SDK1: variants seen among roughly 807,000 people sequenced by gnomAD.
SDK1 encodes the protein sidekick cell adhesion molecule 1, also known as protein sidekick-1.
Under a neutral mutation model 245.5 loss-of-function variants are expected in SDK1, and 157 were observed. The ratio of observed to expected loss-of-function variants is 0.64; its 90% CI spans 0.56 to 0.73. The LOEUF is 0.73. SDK1 is among the 30% of genes least tolerant of loss of function. The probability of loss-of-function intolerance (pLI) is 0.00; values close to 1 mark genes in which losing one functional copy is unlikely to be tolerated. For synonymous variants in SDK1, 1,647 were observed against 1,278.5 expected (o/e 1.29, Z -6.15); for missense variants, 3,583 against 3,002.3 (o/e 1.19, Z -4.52).
chr7:3,571,065 C>T (rs1330959184), intron 1 of SDK1, among the ~76,000 whole-genome samples: 1 of 151,982 alleles, frequency 6.6e-6, no homozygotes. Context: ...TTCGGATCTT[C>T]ATGTTGAGAT....
intron 1 of SDK1, among the ~76,000 whole-genome samples, chr7:3,439,869 G>C (rs1159421427): frequency 2.0e-5 from 3 of 152,166 alleles, no homozygotes; most frequent in Non-Finnish European, 4.4e-5. Context: ...GCTGTCCTCA[G>C]ATGCCCTGAG....
At chr7:3,991,407 T>G (rs1033170649) in intron 14 of SDK1, among the ~76,000 whole-genome samples, 3 of 152,170 alleles carry the variant, frequency 2.0e-5, no homozygotes, top group Non-Finnish European at 2.9e-5. Flanking sequence ...GCTCCCTTGC[T>G]GTTCTACATG....
chr7:3,728,642 G>T (rs1779082948), intron 4 of SDK1, among the ~76,000 whole-genome samples: 1 of 152,158 alleles, frequency 6.6e-6, no homozygotes, highest in South Asian at 2.1e-4. Context: ...GTCTCACTCT[G>T]TCGGCCTGAC....
intron 41 of SDK1, among the ~76,000 whole-genome samples, chr7:4,235,992 G>A (rs1583145650): frequency 6.6e-6 from 1 of 152,268 alleles, no homozygotes; most frequent in African/African-American, 2.4e-5. Flanking sequence ...GCCGCATGGA[G>A]TACCAAATGC....
At chr7:3,460,304 G>C (rs1780793652) in intron 1 of SDK1, among the ~76,000 whole-genome samples, 2 of 152,144 alleles carry the variant, frequency 1.3e-5, no homozygotes, top group African/African-American at 4.8e-5. Context: ...GATGCTCTGA[G>C]AAAGAAATGA....
intron 4 of SDK1, among the ~76,000 whole-genome samples, chr7:3,679,367 C>G (rs552161091): frequency 1.3e-5 from 2 of 151,980 alleles, no homozygotes; most frequent in East Asian, 1.9e-4. Flanking sequence ...GAGATCGAGA[C>G]CATCCTGGCT....
At chr7:3,760,097 A>G (rs749448101) in intron 4 of SDK1, among the ~76,000 whole-genome samples, 2 of 150,622 alleles carry the variant, frequency 1.3e-5, no homozygotes, top group Non-Finnish European at 2.9e-5. Context: ...CGCATTGTGC[A>G]TGTTTGTAAA....
intron 35 of SDK1, among the ~76,000 whole-genome samples, chr7:4,205,138 A>G (rs1378940551): frequency 6.6e-6 from 1 of 152,130 alleles, no homozygotes; most frequent in African/African-American, 2.4e-5. Context: ...GGAAGACTGG[A>G]TCCTCAGAAC....
chr7:3,487,544 C>G (rs1474672750), intron 1 of SDK1, among the ~76,000 whole-genome samples: 2 of 152,002 alleles, frequency 1.3e-5, no homozygotes, highest in Middle Eastern at 3.4e-3. Context: ...GAGTTCGAGA[C>G]CAGCTTGGGC....
intron 1 of SDK1, among the ~76,000 whole-genome samples, chr7:3,593,867 A>G (rs368515599): frequency 1.3e-5 from 2 of 152,186 alleles, no homozygotes; most frequent in African/African-American, 2.4e-5. Flanking sequence ...CCGTTTTCTC[A>G]TTTGTAAAAG....
intron 5 of SDK1, among the ~76,000 whole-genome samples, chr7:3,921,449 A>G (rs1779584196): frequency 2.0e-5 from 3 of 152,236 alleles, no homozygotes; most frequent in South Asian, 4.1e-4. Flanking sequence ...ATATGCAAAC[A>G]TCAACATTAT....
intron 28 of SDK1, among the ~76,000 whole-genome samples, chr7:4,139,125 G>C (rs1318774034): frequency 6.6e-6 from 1 of 152,222 alleles, no homozygotes; most frequent in Non-Finnish European, 1.5e-5. Flanking sequence ...CCAGCCCCAC[G>C]GCCCCTGCCT....
chr7:3,540,958 T>A (rs1779036585), intron 1 of SDK1, among the ~76,000 whole-genome samples: 1 of 152,220 alleles, frequency 6.6e-6, no homozygotes, highest in Non-Finnish European at 1.5e-5. Flanking sequence ...TAGATCCTAT[T>A]CCAGGAAGTT....
chr7:4,111,852 T>G (rs917277032), intron 23 of SDK1, among the ~76,000 whole-genome samples: 4 of 152,206 alleles, frequency 2.6e-5, no homozygotes, highest in Non-Finnish European at 4.4e-5. Flanking sequence ...TGTTTATGTA[T>G]GTGTAAAGAA....
intron 40 of SDK1, chr7:4,232,995 T>C (rs905608563): frequency 5.2e-6 from 2 of 381,868 alleles, no homozygotes; most frequent in Non-Finnish European, 9.5e-6. Flanking sequence ...AACCTAACGT[T>C]TCCCACTATG....
At chr7:3,675,980 A>T (rs1227199804) in intron 4 of SDK1, among the ~76,000 whole-genome samples, 1 of 152,122 alleles carries the variant, frequency 6.6e-6, no homozygotes, top group African/African-American at 2.4e-5. Context: ...ATTTTCTCCC[A>T]TTCTGTAGGT....
At chr7:3,417,942 A>G (rs1779419187) in intron 1 of SDK1, among the ~76,000 whole-genome samples, 1 of 151,988 alleles carries the variant, frequency 6.6e-6, no homozygotes, top group African/African-American at 2.4e-5. Flanking sequence ...AAAAAGCTAG[A>G]CTTAATTACT....
intron 5 of SDK1, 30 bp downstream of exon 5, chr7:3,821,613 T>G (rs755321960): frequency 6.2e-7 from 1 of 1,607,424 alleles, no homozygotes; most frequent in Middle Eastern, 1.7e-4. Flanking sequence ...ATGGTAATTC[T>G]GCAAGCAATA....
intron 22 of SDK1, among the ~76,000 whole-genome samples, chr7:4,097,025 A>C (rs748056632): frequency 6.6e-6 from 1 of 152,252 alleles, no homozygotes; most frequent in Non-Finnish European, 1.5e-5. Flanking sequence ...TGGCAAATGC[A>C]GCAGTCCCCA....
Sources: allele counts gnomAD v4.1 joint callset (sites outside exome capture counted in the v4.1 genomes callset), GRCh38; gene constraint gnomAD v4.1.1; transcripts MANE v1.5; gene names NCBI Gene and HGNC (gene_info 2026-07-23, HGNC 2026-07-21).